ITSN1: variants seen among roughly 807,000 people sequenced by gnomAD.
The protein encoded by ITSN1 is intersectin-1.
In ITSN1, 58 loss-of-function variants were observed where a neutral mutation model predicts 239.8. The observed-to-expected ratio is 0.24, with a 90% CI of 0.20 to 0.30. The LOEUF is 0.30. Ranked by LOEUF, ITSN1 falls within the 10% of genes least tolerant of loss-of-function variation. The probability of loss-of-function intolerance (pLI) is 1.00; values close to 1 mark genes in which losing one functional copy is unlikely to be tolerated. For synonymous variants in ITSN1, 780 were observed against 770.8 expected (o/e 1.01, Z -0.20); for missense variants, 1,558 against 2,103.3 (o/e 0.74, Z 5.07).
At chr21:33,854,663 C>T (rs1374112586) in intron 29 of ITSN1, among the ~76,000 whole-genome samples, 1 of 152,240 alleles carries the variant, frequency 6.6e-6, no homozygotes, top group Admixed American at 6.5e-5. Context: ...TGCCTCCTTC[C>T]TGAGAGTTCA....
chr21:33,663,680 G>A (rs1274764036), intron 1 of ITSN1, among the ~76,000 whole-genome samples: 1 of 152,034 alleles, frequency 6.6e-6, no homozygotes, highest in Non-Finnish European at 1.5e-5. Flanking sequence ...TCGGCTTACC[G>A]CAACCTCCAC....
rs896285782 is a variant in ITSN1 at position 33,720,969 on chromosome 21, TTCTC to T, written c.29-203_29-200del. ...TGCCTCTTCTTTTCTTTCCCTCCCATTCTCTCTCTTTCTGTTTCTTACATTTTGT... is the reference window on the plus strand; with the variant it reads ...TGCCTCTTCTTTTCTTTCCCTCCCATTCTCTTTCTGTTTCTTACATTTTGT... On this transcript the variant is annotated intron_variant, in intron 2 of 39. Coordinates refer to ENST00000381318, the MANE Select transcript of ITSN1 (RefSeq NM_003024.3). Among the ~76,000 whole-genome samples the T allele has an allele frequency of 3.3e-5, 5 of 152,352 alleles. No individual in the cohort carries two copies. In the East Asian group the frequency reaches 5.8e-4, roughly 18 times the overall value.
At chr21:33,826,455 A>G (rs1476873400) in intron 25 of ITSN1, among the ~76,000 whole-genome samples, 2 of 152,238 alleles carry the variant, frequency 1.3e-5, no homozygotes, top group African/African-American at 4.8e-5. Flanking sequence ...ATAATTAGCC[A>G]TGTGAAAATA....
At chr21:33,649,884 C>T (rs2088346604) in intron 1 of ITSN1, among the ~76,000 whole-genome samples, 1 of 151,842 alleles carries the variant, frequency 6.6e-6, no homozygotes, top group Non-Finnish European at 1.5e-5. Context: ...GGCGTGGTGG[C>T]GCACAAGTGT....
At chr21:33,673,081 A>G (rs562382072) in intron 1 of ITSN1, among the ~76,000 whole-genome samples, 8 of 152,360 alleles carry the variant, frequency 5.3e-5, no homozygotes, top group Non-Finnish European at 1.2e-4. Flanking sequence ...TGGAATAGCC[A>G]TTAAAAAGGT....
At chr21:33,714,590 C>T (rs2092514397) in intron 1 of ITSN1, among the ~76,000 whole-genome samples, 1 of 150,320 alleles carries the variant, frequency 6.7e-6, no homozygotes, top group South Asian at 2.1e-4. Context: ...CTCATAGTAG[C>T]TGTGAAATAT....
At position 33,794,951 on chromosome 21, in the gene ITSN1, A is replaced by G. The variant is rs2071419412; in HGVS notation, c.1952+483A>G. Among the ~76,000 whole-genome samples, 3 of 152,300 alleles carry G rather than the reference A, an allele frequency of 2.0e-5. No individual in the cohort carries two copies. The South Asian group carries it at 6.2e-4, about 32-fold the overall frequency. On this transcript the variant is annotated intron_variant, in intron 17 of 39. Transcript: ENST00000381318. ...CCGCTGCTTAGTGTGTAGGATACAG[A>G]CATGTTTTTATCTGTTTTTGTTTGA...
At chr21:33,689,251 T>G (rs548986043) in intron 1 of ITSN1, 1 of 152,376 alleles carries the variant, frequency 6.6e-6, no homozygotes, top group African/African-American at 2.4e-5. Flanking sequence ...CAATTTTTCT[T>G]TTCAATTTTG....
intron 16 of ITSN1, among the ~76,000 whole-genome samples, chr21:33,782,852 C>T (rs1044361303): frequency 2.6e-5 from 4 of 151,900 alleles, no homozygotes; most frequent in East Asian, 1.9e-4. Context: ...GGTGAAACCC[C>T]GTCTCTACTA....
In ITSN1 at chr21:33,885,149, C is replaced by A. The variant is rs1388063464; in HGVS notation, c.4759+26C>A. 4 of 1,586,418 alleles carry A rather than the reference C, an allele frequency of 2.5e-6. No homozygotes were observed. The South Asian group carries it at 4.4e-5, about 18-fold the overall frequency. ...GTAATGCATGGCCCCGCGGGGTGTC[C>A]TGCACAGCTGGGCAGGAGGGAGGGC... On this transcript the variant is annotated intron_variant, in intron 37 of 39. Coordinates refer to ENST00000381318, the MANE Select transcript of ITSN1 (RefSeq NM_003024.3).
intron 27 of ITSN1, among the ~76,000 whole-genome samples, chr21:33,833,900 G>T (rs2074448138): frequency 6.6e-6 from 1 of 150,458 alleles, no homozygotes; most frequent in South Asian, 2.1e-4. Context: ...GAAGTACTCA[G>T]TGTGTATTGG....
At chr21:33,810,100 AAT>A (rs1457709091) in intron 20 of ITSN1, among the ~76,000 whole-genome samples, 1 of 152,078 alleles carries the variant, frequency 6.6e-6, no homozygotes, top group African/African-American at 2.4e-5. Context: ...CCCAAAAATA[AAT>A]TTCCCAATAG....
At chr21:33,700,463 G>T (rs1276714922) in intron 1 of ITSN1, among the ~76,000 whole-genome samples, 1 of 152,162 alleles carries the variant, frequency 6.6e-6, no homozygotes, top group Admixed American at 6.5e-5. Context: ...TAGCCATCTT[G>T]CCTTACTTTG....
chr21:33,793,964 G>A (rs577376125), intron 16 of ITSN1, among the ~76,000 whole-genome samples: 4 of 152,322 alleles, frequency 2.6e-5, no homozygotes, highest in Non-Finnish European at 4.4e-5. Flanking sequence ...GGTTGGTGTT[G>A]ATTGATAATC....
intron 1 of ITSN1, among the ~76,000 whole-genome samples, chr21:33,706,832 C>T (rs994094408): frequency 6.6e-5 from 10 of 152,134 alleles, no homozygotes; most frequent in Non-Finnish European, 1.0e-4. Flanking sequence ...AAGTGATTCT[C>T]CTGCCTCAGC....
At chr21:33,710,994 C>T (rs956358678) in intron 1 of ITSN1, among the ~76,000 whole-genome samples, 3 of 151,410 alleles carry the variant, frequency 2.0e-5, no homozygotes, top group East Asian at 1.9e-4. Flanking sequence ...TTAGTAGAGA[C>T]GTTGGCCAGG....
chr21:33,655,159 G>A (rs942531477), intron 1 of ITSN1, among the ~76,000 whole-genome samples: 27 of 152,146 alleles, frequency 1.8e-4, no homozygotes, highest in African/African-American at 6.5e-4. Context: ...GATTGGAAAG[G>A]CCATTTTACA....
intron 22 of ITSN1, among the ~76,000 whole-genome samples, chr21:33,815,001 A>G (rs984679466): frequency 1.3e-5 from 2 of 152,218 alleles, no homozygotes; most frequent in African/African-American, 2.4e-5. Context: ...GGCCCACCTT[A>G]AAGCGGGAAG....
chr21:33,749,990 G>GT (rs1365379679), intron 5 of ITSN1, 153 bp from the exon 6 acceptor site: 2 of 694,556 alleles, frequency 2.9e-6, no homozygotes, highest in East Asian at 5.5e-5. Flanking sequence ...CATAATTTTT[G>GT]TTACTCTTTA....
Sources: gnomAD v4.1 joint callset for allele counts (sites outside exome capture counted in the v4.1 genomes callset) on GRCh38, gnomAD v4.1.1 for gene constraint, MANE v1.5 for transcripts, NCBI Gene and HGNC (gene_info 2026-07-23, HGNC 2026-07-21) for gene names.